The following OSMR variants were observed in gnomAD, a reference collection of about 807,000 sequenced individuals.
The protein encoded by OSMR is oncostatin M receptor, also known as oncostatin-M-specific receptor subunit beta.
Under a neutral mutation model 99.9 loss-of-function variants are expected in OSMR, and 81 were observed. The observed-to-expected ratio is 0.81, with a 90% CI of 0.68 to 0.97. The LOEUF (loss-of-function observed/expected upper bound fraction) is 0.97, where lower values mean the gene tolerates loss of function less well. Ranked by LOEUF, OSMR falls within the 50% of genes least tolerant of loss-of-function variation. The probability of loss-of-function intolerance (pLI) is 0.00; values close to 1 mark genes in which losing one functional copy is unlikely to be tolerated. For missense variants in OSMR, 1,099 were observed against 1,153.4 expected, an observed-to-expected ratio of 0.95 and a Z score of 0.68; for synonymous variants, 406 against 410.4, an observed-to-expected ratio of 0.99 and a Z score of 0.13.
chr5:38,909,681 C>T (rs357256), intron 9 of OSMR, among the ~76,000 whole-genome samples: 4 of 152,068 alleles, frequency 2.6e-5, no homozygotes, highest in Admixed American at 1.3e-4. Flanking sequence ...CAAATGCTAA[C>T]GGAATTCACT....
rs146032550 is a variant in OSMR, at chr5:38,924,423, T to C, written c.1872T>C (p.Ala624=). ...TCTTATCCCAACTTCTTTTCCTAGC[T>C]CCTTCAGACAACCCTCACGTGCTGG... The part of the protein sequence containing the change: ...EKKTGYSQEL[A]PSDNPHVLVD... The change falls in exon 14 of 18, where the codon GCT becomes GCC. Residue 624 remains alanine (A), a splice_region_variant and synonymous_variant. Transcript: ENST00000274276. The C allele has an allele frequency of 4.2e-3, 6,809 of 1,614,104 alleles. 43 individuals are homozygous for C. The highest frequency in any genetic ancestry group is 0.012 in the Middle Eastern group (73 of 6,062).
chr5:38,848,854 G>T (rs937721233), intron 1 of OSMR, among the ~76,000 whole-genome samples: 2 of 152,052 alleles, frequency 1.3e-5, no homozygotes, highest in African/African-American at 2.4e-5. Flanking sequence ...GCTCACTGCA[G>T]CCTCGACCTT....
rs764261223 is a variant in OSMR, at chr5:38,924,615, T to G, written c.2044+20T>G. On this transcript the variant is annotated intron_variant, in intron 14 of 17. Coordinates refer to ENST00000274276, the MANE Select transcript of OSMR (RefSeq NM_003999.3). ...TTTCAGGTGACATCTATTTTTAATT[T>G]GTTTATTTATTCTTTCAAGATCTCA... The G allele has an allele frequency of 6.5e-7, 1 of 1,546,984 alleles. No individual in the cohort carries two copies. The highest frequency in any genetic ancestry group is 1.4e-5 in the African/African-American group (1 of 73,686).
At chr5:38,848,699 CT>C (rs1399056448) in intron 1 of OSMR, among the ~76,000 whole-genome samples, 4 of 152,248 alleles carry the variant, frequency 2.6e-5, no homozygotes, top group Non-Finnish European at 5.9e-5. Context: ...TATTGTACAG[CT>C]TGCTTTTTCA....
chr5:38,864,540 G>GTT (rs33918195), intron 1 of OSMR, among the ~76,000 whole-genome samples: 41,100 of 147,044 alleles, frequency 0.28, 5,960 homozygotes, highest in South Asian at 0.47. Context: ...CTTGCCTGAA[G>GTT]TTTTTTTTTT....
intron 1 of OSMR, among the ~76,000 whole-genome samples, chr5:38,864,308 T>C (rs1579649573): frequency 1.3e-5 from 2 of 152,270 alleles, no homozygotes; most frequent in East Asian, 3.9e-4. Flanking sequence ...TATATCTGAG[T>C]CATAGCTCTT....
intron 7 of OSMR, among the ~76,000 whole-genome samples, chr5:38,894,050 A>G (rs902661097): frequency 1.3e-5 from 2 of 152,236 alleles, no homozygotes; most frequent in Admixed American, 6.5e-5. Context: ...AGACATTCCA[A>G]CCAAGAATTT....
chr5:38,917,373 G>C, intron 9 of OSMR, 173 bp from the exon 10 acceptor site: 3 of 978,166 alleles, frequency 3.1e-6, no homozygotes, highest in Non-Finnish European at 3.6e-6. Context: ...CTAGTGAGGA[G>C]TGAGCAGTGT....
intron 4 of OSMR, among the ~76,000 whole-genome samples, chr5:38,882,446 G>T (rs2112372468): frequency 6.6e-6 from 1 of 152,242 alleles, no homozygotes; most frequent in East Asian, 1.9e-4. Flanking sequence ...ATGGTGACGG[G>T]CACCTGTAGT....
At chr5:38,930,591 G>A (rs1317831665) in intron 15 of OSMR, among the ~76,000 whole-genome samples, 1 of 152,180 alleles carries the variant, frequency 6.6e-6, no homozygotes, top group Non-Finnish European at 1.5e-5. Context: ...GAAAAGGGAT[G>A]TTTACCAACC....
intron 5 of OSMR, 143 bp from the exon 6 acceptor site, chr5:38,885,206 C>CT: frequency 6.7e-7 from 1 of 1,501,054 alleles, no homozygotes; most frequent in Non-Finnish European, 8.9e-7. Flanking sequence ...CTTTTGGAGG[C>CT]TGTTGATAGG....
intron 7 of OSMR, among the ~76,000 whole-genome samples, chr5:38,894,363 A>G (rs1744350126): frequency 6.6e-6 from 1 of 152,078 alleles, no homozygotes; most frequent in Non-Finnish European, 1.5e-5. Flanking sequence ...ACCCCCACTT[A>G]AAAGGCACAG....
intron 2 of OSMR, among the ~76,000 whole-genome samples, chr5:38,870,245 C>T (rs923799099): frequency 1.3e-5 from 2 of 152,002 alleles, no homozygotes; most frequent in African/African-American, 4.8e-5. Context: ...GTATGTATAC[C>T]TCTCGCTCAC....
intron 7 of OSMR, among the ~76,000 whole-genome samples, chr5:38,898,499 G>A (rs1046315345): frequency 5.9e-5 from 9 of 152,104 alleles, no homozygotes; most frequent in African/African-American, 2.2e-4. Context: ...TATAGGCTAA[G>A]TGCATTTCTC....
chr5:38,871,367 C>T (rs1407912287), intron 2 of OSMR, among the ~76,000 whole-genome samples: 3 of 152,248 alleles, frequency 2.0e-5, no homozygotes, highest in Non-Finnish European at 4.4e-5. Context: ...CTGCTGCTTC[C>T]AGCTTTCTCT....
intron 15 of OSMR, among the ~76,000 whole-genome samples, chr5:38,928,612 C>T (rs182657630): frequency 3.2e-4 from 49 of 152,256 alleles, no homozygotes; most frequent in Admixed American, 9.8e-4. Context: ...ATTCAATTGC[C>T]TCCCACCAGG....
At chr5:38,909,223 G>C (rs780953408) in intron 9 of OSMR, among the ~76,000 whole-genome samples, 21 of 152,266 alleles carry the variant, frequency 1.4e-4, no homozygotes, top group Non-Finnish European at 2.9e-4. Flanking sequence ...ATTATGTAAA[G>C]AGAACAACTC....
intron 4 of OSMR, among the ~76,000 whole-genome samples, chr5:38,883,188 G>A (rs1443166310): frequency 2.0e-5 from 3 of 152,164 alleles, no homozygotes; most frequent in Non-Finnish European, 4.4e-5. Context: ...GGTGGCACAT[G>A]CCTGTAGTCC....
Position 38,924,258 on chromosome 5 carries a change from T to G in OSMR, c.1871-164T>G, listed in dbSNP as rs1010242568. ...CAACTCCTTCACAGCTCTCATAAACTATGTCAAGGCACAAATCCTCTAGAG... is the reference window on the plus strand; with the variant it reads ...CAACTCCTTCACAGCTCTCATAAACGATGTCAAGGCACAAATCCTCTAGAG... On this transcript the variant is annotated intron_variant, in intron 13 of 17. Coordinates refer to ENST00000274276, the MANE Select transcript of OSMR (RefSeq NM_003999.3). The G allele has an allele frequency of 1.3e-4, 124 of 969,024 alleles. No individual in the cohort carries two copies. The African/African-American group carries it at 2.1e-3, about 16-fold the overall frequency. The allele number at this position is 969,024 out of a possible 1,614,324, so 60.0% of individuals were successfully genotyped here.
Sources: allele counts gnomAD v4.1 joint callset (sites outside exome capture counted in the v4.1 genomes callset), GRCh38; gene constraint gnomAD v4.1.1; transcripts MANE v1.5; gene names NCBI Gene and HGNC (gene_info 2026-07-23, HGNC 2026-07-21).